EYA2: variants seen among roughly 807,000 people sequenced by gnomAD.
The protein encoded by EYA2 is EYA transcriptional coactivator and phosphatase 2, also known as protein phosphatase EYA2.
In EYA2, 31 loss-of-function variants were observed where a neutral mutation model predicts 69.2. The ratio of observed to expected loss-of-function variants is 0.45; its 90% CI spans 0.34 to 0.60. The LOEUF (loss-of-function observed/expected upper bound fraction) is 0.60, where lower values mean the gene tolerates loss of function less well. Ranked by LOEUF, EYA2 falls within the 20% of genes least tolerant of loss-of-function variation. The pLI is 0.02. For missense variants in EYA2, 622 were observed against 701.2 expected, an observed-to-expected ratio of 0.89 and a Z score of 1.28; for synonymous variants, 257 against 279.4, an observed-to-expected ratio of 0.92 and a Z score of 0.80.
intron 5 of EYA2, among the ~76,000 whole-genome samples, chr20:47,027,981 C>A (rs1913940303): frequency 6.6e-6 from 1 of 152,176 alleles, no homozygotes; most frequent in South Asian, 2.1e-4. Flanking sequence ...GAAGCTGTTA[C>A]CTCCAATGTG....
chr20:47,009,568 G>T (rs1460344004), intron 4 of EYA2, among the ~76,000 whole-genome samples: 1 of 152,148 alleles, frequency 6.6e-6, no homozygotes, highest in Admixed American at 6.5e-5. Context: ...TCCTCTCAAA[G>T]ATTCCTGTGC....
At chr20:46,935,563 A>G (rs1985871379) in intron 1 of EYA2, among the ~76,000 whole-genome samples, 1 of 152,156 alleles carries the variant, frequency 6.6e-6, no homozygotes, top group Non-Finnish European at 1.5e-5. Flanking sequence ...CAAGTGCCTT[A>G]GTGGAATGGT....
chr20:47,074,168 C>A lies in EYA2; in HGVS notation c.494C>A (p.Ser165Tyr). ...GFGSVHQDYP[S>Y]YPGFPQSQYP... Reference sequence around the variant, plus strand: ...TTTTTCTCTTCCCAGGACTATCCTTCCTACCCCGGCTTCCCCCAGAGCCAG... The same window carrying A: ...TTTTTCTCTTCCCAGGACTATCCTTACTACCCCGGCTTCCCCCAGAGCCAG... The change falls in exon 7 of 16, where the codon TCC (serine) becomes TAC (tyrosine). Residue 165 changes from serine to tyrosine, a missense_variant. Physicochemically the swap from Ser to Tyr is moderately radical, Grantham distance 144 (BLOSUM62 -2). Transcript: ENST00000327619. The A allele has an allele frequency of 6.2e-7, 1 of 1,611,674 alleles. No homozygotes were observed. Among genetic ancestry groups the A allele is most frequent in the Non-Finnish European group, 8.5e-7 (1 of 1,178,366 alleles).
chr20:47,144,063 A>G (rs2033653090), intron 10 of EYA2, among the ~76,000 whole-genome samples: 1 of 152,244 alleles, frequency 6.6e-6, no homozygotes, highest in Non-Finnish European at 1.5e-5. Flanking sequence ...CAGATTGAAA[A>G]GTAAAGGCAA....
intron 2 of EYA2, among the ~76,000 whole-genome samples, chr20:46,999,797 C>G (rs138838500): frequency 6.6e-6 from 1 of 152,204 alleles, no homozygotes; most frequent in African/African-American, 2.4e-5. Flanking sequence ...CCCTTGCCCA[C>G]GGTTGTGTGA....
chr20:46,900,127 A>T (rs534178089), intron 1 of EYA2, among the ~76,000 whole-genome samples: 33 of 152,256 alleles, frequency 2.2e-4, no homozygotes, highest in African/African-American at 7.5e-4. Context: ...TACATTTTTT[A>T]AAAGTCTGTG....
At chr20:46,906,343 C>T (rs536999330) in intron 1 of EYA2, among the ~76,000 whole-genome samples, 18 of 152,302 alleles carry the variant, frequency 1.2e-4, no homozygotes, top group Admixed American at 9.2e-4. Flanking sequence ...AGGCTGCGTA[C>T]GACAAATTCC....
intron 1 of EYA2, among the ~76,000 whole-genome samples, chr20:46,976,480 G>A (rs1269434371): frequency 6.6e-6 from 1 of 152,114 alleles, no homozygotes; most frequent in Non-Finnish European, 1.5e-5. Context: ...CCGCCTCCCG[G>A]GTTCACGCCA....
chr20:46,911,186 AG>A (rs1289557347), intron 1 of EYA2, among the ~76,000 whole-genome samples: 3 of 152,266 alleles, frequency 2.0e-5, no homozygotes, highest in East Asian at 1.9e-4. Context: ...CAGGTAACAC[AG>A]GGTTTCTCAA....
At chr20:47,029,747 C>T (rs1163968800) in intron 5 of EYA2, among the ~76,000 whole-genome samples, 1 of 152,194 alleles carries the variant, frequency 6.6e-6, no homozygotes, top group Non-Finnish European at 1.5e-5. Context: ...TTCACCCCAT[C>T]TCTTTTTCTT....
At chr20:46,990,802 A>AC (rs1981607104) in intron 2 of EYA2, among the ~76,000 whole-genome samples, 1 of 151,740 alleles carries the variant, frequency 6.6e-6, no homozygotes, top group South Asian at 2.1e-4. Context: ...TTGTCCTGAG[A>AC]CCCCCTCGTT....
At chr20:47,040,901 C>T (rs533764374) in intron 5 of EYA2, among the ~76,000 whole-genome samples, 2 of 152,322 alleles carry the variant, frequency 1.3e-5, no homozygotes, top group Admixed American at 6.5e-5. Context: ...ATGTAGCCAG[C>T]ATCTTATCAC....
chr20:46,973,048 T>C (rs11907987), intron 1 of EYA2, among the ~76,000 whole-genome samples: 4,406 of 152,152 alleles, frequency 0.029, 129 homozygotes, highest in African/African-American at 0.073. Context: ...AGGAAGCAGG[T>C]GGTGCTACCT....
chr20:46,981,084 G>T (rs2146313042), intron 1 of EYA2, among the ~76,000 whole-genome samples: 1 of 152,310 alleles, frequency 6.6e-6, no homozygotes, highest in East Asian at 1.9e-4. Flanking sequence ...AAACAGGAAT[G>T]ATTTCACGTT....
At chr20:47,105,017 T>G (rs2032534778) in intron 9 of EYA2, among the ~76,000 whole-genome samples, 1 of 152,156 alleles carries the variant, frequency 6.6e-6, no homozygotes, top group African/African-American at 2.4e-5. Context: ...CCAGACTCTA[T>G]CTCAAAAATT....
chr20:46,895,589 G>T (rs1197149490), intron 1 of EYA2, among the ~76,000 whole-genome samples: 1 of 152,244 alleles, frequency 6.6e-6, no homozygotes, highest in Non-Finnish European at 1.5e-5. Context: ...CCTGCTGCGG[G>T]TAGAGTTGAA....
chr20:47,089,045 A>G (rs1350540039), intron 7 of EYA2, among the ~76,000 whole-genome samples, 194 bp from the exon 8 acceptor site: 2 of 152,178 alleles, frequency 1.3e-5, no homozygotes. Flanking sequence ...TGCTGGATGG[A>G]TGAAAGATAA....
intron 9 of EYA2, among the ~76,000 whole-genome samples, chr20:47,107,617 G>GA (rs2032625972): frequency 6.6e-6 from 1 of 151,864 alleles, no homozygotes; most frequent in South Asian, 2.1e-4. Flanking sequence ...GAGGCAGGAG[G>GA]ATTGCTTGAG....
At chr20:46,903,480 C>T (rs981327253) in intron 1 of EYA2, among the ~76,000 whole-genome samples, 8 of 152,194 alleles carry the variant, frequency 5.3e-5, no homozygotes, top group Non-Finnish European at 1.0e-4. Context: ...GAGAATCAGA[C>T]TTTCCAAACC....
Sources: gnomAD v4.1 joint callset for allele counts (sites outside exome capture counted in the v4.1 genomes callset) on GRCh38, gnomAD v4.1.1 for gene constraint, MANE v1.5 for transcripts, NCBI Gene and HGNC (gene_info 2026-07-23, HGNC 2026-07-21) for gene names.